ANO3: variants seen among roughly 807,000 people sequenced by gnomAD.
ANO3 encodes anoctamin-3.
ANO3 carries 99 observed loss-of-function variants against 144.8 expected under a neutral mutation model. The observed-to-expected ratio is 0.68, with a 90% confidence interval of 0.58 to 0.81. ANO3 has a LOEUF of 0.81. ANO3 is among the 30% of genes least tolerant of loss of function. ANO3 has a pLI of 0.00. For synonymous variants in ANO3, 414 were observed against 392.6 expected, an observed-to-expected ratio of 1.05 and a Z score of -0.64; for missense variants, 905 against 1,202.2, an observed-to-expected ratio of 0.75 and a Z score of 3.66.
At chr11:26,213,538 G>C (rs376791674) in intron 1 of ANO3, among the ~76,000 whole-genome samples, 1 of 152,104 alleles carries the variant, frequency 6.6e-6, no homozygotes, top group East Asian at 1.9e-4. Flanking sequence ...ATTGCTACAA[G>C]AGAATAAAGT....
chr11:26,576,738 GA>G (rs1229438638), intron 14 of ANO3, among the ~76,000 whole-genome samples: 1 of 152,104 alleles, frequency 6.6e-6, no homozygotes, highest in East Asian at 1.9e-4. Flanking sequence ...TCCCATACTA[GA>G]AAAGTCAGCT....
At chr11:26,450,190 T>C (rs1360812411) in intron 3 of ANO3, among the ~76,000 whole-genome samples, 1 of 152,212 alleles carries the variant, frequency 6.6e-6, no homozygotes. Flanking sequence ...TATGTTTGCC[T>C]TACTCATATT....
intron 4 of ANO3, among the ~76,000 whole-genome samples, chr11:26,481,262 T>C (rs1860204145): frequency 6.6e-6 from 1 of 151,826 alleles, no homozygotes; most frequent in African/African-American, 2.4e-5. Flanking sequence ...AGGTTGACCT[T>C]AGGGAAAGGA....
At chr11:26,524,421 G>A (rs560030837) in intron 6 of ANO3, among the ~76,000 whole-genome samples, 130 of 152,252 alleles carry the variant, frequency 8.5e-4, no homozygotes, top group Middle Eastern at 3.4e-3. Context: ...GGACTGCAAT[G>A]AAATATGGTA....
chr11:26,558,343 T>A (rs1850150317), intron 13 of ANO3, among the ~76,000 whole-genome samples: 1 of 152,142 alleles, frequency 6.6e-6, no homozygotes, highest in South Asian at 2.1e-4. Context: ...TAAGAGACTG[T>A]TTCCTGTATG....
intron 1 of ANO3, among the ~76,000 whole-genome samples, chr11:26,295,309 G>C (rs1051832296): frequency 6.6e-6 from 1 of 151,754 alleles, no homozygotes; most frequent in Non-Finnish European, 1.5e-5. Context: ...TTTGAGTCAG[G>C]AGATCGAGAC....
chr11:26,250,896 A>G (rs542032029), intron 1 of ANO3, among the ~76,000 whole-genome samples: 1 of 152,200 alleles, frequency 6.6e-6, no homozygotes, highest in Non-Finnish European at 1.5e-5. Context: ...AGCCTAGCCT[A>G]CCTTAAACAT....
chr11:26,422,188 T>C (rs1351617473), intron 1 of ANO3, among the ~76,000 whole-genome samples: 6 of 152,060 alleles, frequency 3.9e-5, no homozygotes, highest in Non-Finnish European at 1.5e-5. Context: ...TGATGAGAAA[T>C]TTTACTAAGA....
At chr11:26,325,337 G>T (rs777449151) in intron 1 of ANO3, among the ~76,000 whole-genome samples, 1 of 152,040 alleles carries the variant, frequency 6.6e-6, no homozygotes, top group Non-Finnish European at 1.5e-5. Context: ...ATACTGAAAA[G>T]AAAATACACA....
At chr11:26,360,581 C>T (rs1458096859) in intron 1 of ANO3, among the ~76,000 whole-genome samples, 1 of 152,112 alleles carries the variant, frequency 6.6e-6, no homozygotes, top group African/African-American at 2.4e-5. Context: ...GGTGGATCAA[C>T]CTCTCTGTAG....
chr11:26,612,808 TTAAA>T (rs1338755323), intron 17 of ANO3, among the ~76,000 whole-genome samples: 3 of 152,076 alleles, frequency 2.0e-5, no homozygotes, highest in Non-Finnish European at 4.4e-5. Context: ...TTTCAGCACT[TTAAA>T]TATAACAACC....
chr11:26,607,034 G>C, intron 17 of ANO3, among the ~76,000 whole-genome samples: 1 of 152,034 alleles, frequency 6.6e-6, no homozygotes, highest in Admixed American at 6.6e-5. Context: ...ATGAAGTATA[G>C]TTTGACTGGA....
At chr11:26,476,920 TGTGTGTGTGTGTGA>T (rs1565048223) in intron 4 of ANO3, among the ~76,000 whole-genome samples, 20 of 144,950 alleles carry the variant, frequency 1.4e-4, no homozygotes, top group Admixed American at 4.2e-4. Flanking sequence ...TGTGTGTGTG[TGTGTGTGTGTGTGA>T]GAGAGAGAGA....
intron 10 of ANO3, 71 bp from the exon 11 acceptor site, chr11:26,541,876 A>G: frequency 7.1e-7 from 1 of 1,415,136 alleles, no homozygotes; most frequent in Non-Finnish European, 9.5e-7. Context: ...TGCAAGGGAA[A>G]ATACAGTTCT....
intron 4 of ANO3, among the ~76,000 whole-genome samples, chr11:26,490,521 A>T (rs976087368): frequency 6.6e-6 from 1 of 152,240 alleles, no homozygotes; most frequent in African/African-American, 2.4e-5. Flanking sequence ...TTTAGGTGTT[A>T]TGGCTGCATG....
chr11:26,315,694 T>C (rs183254228), intron 1 of ANO3, among the ~76,000 whole-genome samples: 2 of 150,394 alleles, frequency 1.3e-5, no homozygotes, highest in East Asian at 2.0e-4. Context: ...TCCATCTATC[T>C]ATCTATCTAT....
chr11:26,538,012 A>C (rs1849553931), intron 10 of ANO3, among the ~76,000 whole-genome samples: 1 of 152,176 alleles, frequency 6.6e-6, no homozygotes, highest in Admixed American at 6.5e-5. Flanking sequence ...TAAGGTAAGA[A>C]TGGGGTCTTT....
chr11:26,276,601 C>T (rs1853565392), intron 1 of ANO3, among the ~76,000 whole-genome samples: 1 of 152,110 alleles, frequency 6.6e-6, no homozygotes, highest in African/African-American at 2.4e-5. Context: ...GCAGATTAGC[C>T]ATGATTCTCA....
intron 3 of ANO3, among the ~76,000 whole-genome samples, chr11:26,445,552 A>G (rs1354727526): frequency 2.6e-5 from 4 of 152,016 alleles, no homozygotes; most frequent in Non-Finnish European, 5.9e-5. Flanking sequence ...ACCTGTGTTT[A>G]TATCTCTCCA....
Sources: allele counts gnomAD v4.1 joint callset (sites outside exome capture counted in the v4.1 genomes callset), GRCh38; gene constraint gnomAD v4.1.1; transcripts MANE v1.5; gene names NCBI Gene and HGNC (gene_info 2026-07-23, HGNC 2026-07-21).